Variants in NRXN1 observed in about 807,000 individuals in gnomAD.
NRXN1 encodes the protein neurexin 1.
NRXN1 carries 39 observed loss-of-function variants against 150.9 expected under a neutral mutation model. The observed-to-expected ratio is 0.26, with a 90% CI of 0.20 to 0.34. NRXN1 has a LOEUF of 0.34. NRXN1 is among the 10% of genes least tolerant of loss of function. NRXN1 has a pLI of 1.00. For missense variants in NRXN1, 1,815 were observed against 1,949.9 expected, an observed-to-expected ratio of 0.93 and a Z score of 1.30; for synonymous variants, 924 against 757.0, an observed-to-expected ratio of 1.22 and a Z score of -3.62.
chr2:50,080,293 G>T (rs1261500526), intron 19 of NRXN1, among the ~76,000 whole-genome samples: 2 of 152,048 alleles, frequency 1.3e-5, no homozygotes, highest in Non-Finnish European at 2.9e-5. Flanking sequence ...ACTAGTTATT[G>T]TCACTAATCT....
chr2:50,264,998 G>A lies in NRXN1; in HGVS notation c.3365-28028C>T, dbSNP rs185143542. Among the ~76,000 whole-genome samples the A allele has an allele frequency of 1.1e-3, 165 of 152,126 alleles. 1 individual carries two copies. The highest frequency in any genetic ancestry group is 1.9e-3 in the Non-Finnish European group (128 of 67,972). Reference sequence around the variant, plus strand: ...GTTTAAAATAATTGATGGGTATAGCGCCCAAAGCATTAATTACATGTAGAA... The same window carrying A: ...GTTTAAAATAATTGATGGGTATAGCACCCAAAGCATTAATTACATGTAGAA... On this transcript the variant is annotated intron_variant, in intron 17 of 22. Transcript: ENST00000401669.
intron 10 of NRXN1, among the ~76,000 whole-genome samples, chr2:50,535,849 CA>C (rs1313904080): frequency 1.3e-5 from 2 of 152,046 alleles, no homozygotes; most frequent in East Asian, 3.9e-4. Context: ...TTTCTAAATC[CA>C]AGGAGCTGAA....
At position 50,929,152 on chromosome 2, in the gene NRXN1, T is replaced by C. The variant is rs1182140743; in HGVS notation, c.773-3197A>G. ...AAAATTTTTATCTTCGGCCCCCAGC[T>C]TATAAGAATGCAAGGACAGTAACTT... On this transcript the variant is annotated intron_variant, in intron 2 of 22. Coordinates refer to ENST00000401669, the MANE Select transcript of NRXN1 (RefSeq NM_001330078.2). 2.6e-5 allele frequency among the ~76,000 whole-genome samples: 4 copies of C among 152,144 alleles called. No individual in the cohort carries two copies. In the South Asian group the frequency reaches 6.2e-4, roughly 24 times the overall value.
At chr2:50,242,892 G>T (rs1056658685) in intron 17 of NRXN1, among the ~76,000 whole-genome samples, 1 of 151,746 alleles carries the variant, frequency 6.6e-6, no homozygotes, top group South Asian at 2.1e-4. Context: ...ATGAAAGAAG[G>T]CAAGAAACAT....
At chr2:50,476,607 T>C (rs78517758) in intron 15 of NRXN1, among the ~76,000 whole-genome samples, 5,217 of 152,194 alleles carry the variant, frequency 0.034, 291 homozygotes, top group African/African-American at 0.12. Context: ...CCTCAATCTA[T>C]GCTGATTCCA....
At chr2:50,912,126 C>T (rs1265674909) in intron 5 of NRXN1, 3 of 151,804 alleles carry the variant, frequency 2.0e-5, no homozygotes, top group Non-Finnish European at 4.4e-5. Context: ...AAGATTAAGT[C>T]CTCAGCTTTT....
chr2:50,468,205 C>T (rs1245122937), intron 16 of NRXN1, among the ~76,000 whole-genome samples: 1 of 151,476 alleles, frequency 6.6e-6, no homozygotes, highest in Non-Finnish European at 1.5e-5. Context: ...CAAAAATTAT[C>T]AGAAATGCAA....
chr2:50,329,039 T>G (rs1040775850), intron 17 of NRXN1, among the ~76,000 whole-genome samples: 1 of 152,030 alleles, frequency 6.6e-6, no homozygotes, highest in Non-Finnish European at 1.5e-5. Context: ...GAAAAGAAGT[T>G]AACAATAGAG....
At chr2:50,503,980 C>G (rs1290757240) in intron 13 of NRXN1, among the ~76,000 whole-genome samples, 1 of 151,932 alleles carries the variant, frequency 6.6e-6, no homozygotes, top group African/African-American at 2.4e-5. Flanking sequence ...GTAAAATATA[C>G]ATTCAGTCAT....
chr2:50,528,975 A>G (rs971793089), intron 11 of NRXN1: 6 of 262,916 alleles, frequency 2.3e-5, no homozygotes, highest in Non-Finnish European at 3.6e-5. Flanking sequence ...GAAAGAACAT[A>G]TCATTGTTTT....
At chr2:50,019,119 TTCA>T in intron 21 of NRXN1, 2 of 437,166 alleles carry the variant, frequency 4.6e-6, no homozygotes. Flanking sequence ...CATCTGTGCT[TTCA>T]TCATCCCTAG....
intron 18 of NRXN1, among the ~76,000 whole-genome samples, chr2:50,205,343 T>G (rs2062489666): frequency 6.6e-6 from 1 of 152,104 alleles, no homozygotes; most frequent in African/African-American, 2.4e-5. Flanking sequence ...GGATGATTAC[T>G]GAAATATTTT....
At chr2:50,371,759 C>G (rs886148967) in intron 17 of NRXN1, among the ~76,000 whole-genome samples, 1 of 97,636 alleles carries the variant, frequency 1.0e-5, no homozygotes, top group South Asian at 3.0e-4. Flanking sequence ...GGGACAGTTA[C>G]TGTTGCAATT....
chr2:50,667,652 A>G (rs970392698), intron 5 of NRXN1, among the ~76,000 whole-genome samples: 1 of 151,922 alleles, frequency 6.6e-6, no homozygotes, highest in African/African-American at 2.4e-5. Context: ...CTCAAAATAG[A>G]TCTCTAAGAA....
chr2:49,927,106 C>G (rs1029045366), intron 22 of NRXN1, among the ~76,000 whole-genome samples: 1 of 152,186 alleles, frequency 6.6e-6, no homozygotes, highest in African/African-American at 2.4e-5. Context: ...TAGCATATTA[C>G]TCAGGAAGGT....
chr2:50,042,936 A>G (rs1328489468), intron 21 of NRXN1, among the ~76,000 whole-genome samples: 2 of 152,158 alleles, frequency 1.3e-5, no homozygotes, highest in Non-Finnish European at 2.9e-5. Flanking sequence ...AGTATTTTTC[A>G]AATGGAGAAG....
intron 18 of NRXN1, among the ~76,000 whole-genome samples, chr2:50,190,049 A>C (rs541961089): frequency 7.2e-4 from 110 of 152,262 alleles, no homozygotes; most frequent in African/African-American, 2.4e-3. Flanking sequence ...TGTCATTGAT[A>C]AACAATGGAC....
intron 18 of NRXN1, among the ~76,000 whole-genome samples, chr2:50,227,376 A>C (rs1370982257): frequency 6.6e-6 from 1 of 152,036 alleles, no homozygotes; most frequent in African/African-American, 2.4e-5. Context: ...CTGAACAGGG[A>C]GCCCATGCCC....
intron 17 of NRXN1, among the ~76,000 whole-genome samples, chr2:50,413,326 T>A (rs1280073631): frequency 1.3e-5 from 2 of 151,824 alleles, no homozygotes; most frequent in East Asian, 3.9e-4. Context: ...AACAGGCATA[T>A]GAAAAAGTGT....
Sources: gnomAD v4.1 joint callset for allele counts (sites outside exome capture counted in the v4.1 genomes callset) on GRCh38, gnomAD v4.1.1 for gene constraint, MANE v1.5 for transcripts, NCBI Gene and HGNC (gene_info 2026-07-23, HGNC 2026-07-21) for gene names.